The following NMUR2 variants were observed in gnomAD, a reference collection of about 807,000 sequenced individuals.
The protein encoded by NMUR2 is neuromedin-U receptor 2.
Under a neutral mutation model 25.1 loss-of-function variants are expected in NMUR2, and 24 were observed. The ratio of observed to expected loss-of-function variants is 0.96; its 90% CI spans 0.69 to 1.34. The LOEUF (loss-of-function observed/expected upper bound fraction) is 1.34. NMUR2 is among the 40% of genes most tolerant of loss of function. NMUR2 has a pLI of 0.00. For synonymous variants in NMUR2, 218 were observed against 208.1 expected (o/e 1.05, Z -0.41); for missense variants, 533 against 512.8 (o/e 1.04, Z -0.38).
chr5:152,401,252 G>C (rs1172218877), intron 1 of NMUR2, among the ~76,000 whole-genome samples: 2 of 152,100 alleles, frequency 1.3e-5, no homozygotes, highest in Non-Finnish European at 2.9e-5. Flanking sequence ...GCAAATTTGT[G>C]ATTACTATTA....
chr5:152,397,537 G>A (rs924410238), intron 2 of NMUR2, among the ~76,000 whole-genome samples: 3 of 151,872 alleles, frequency 2.0e-5, no homozygotes, highest in African/African-American at 7.3e-5. Context: ...AGTATCAGGG[G>A]TTGGTTCGTG....
chr5:152,403,228 C>T (rs924335488), intron 1 of NMUR2, among the ~76,000 whole-genome samples: 2 of 152,026 alleles, frequency 1.3e-5, no homozygotes, highest in East Asian at 1.9e-4. Context: ...ATTTTATACA[C>T]GGGAAAACTA....
rs189173488 is a variant in NMUR2, at chr5:152,396,718, C to T, written c.812-1134G>A. Among the ~76,000 whole-genome samples the T allele has an allele frequency of 2.4e-4, 37 of 152,128 alleles. No individual in the cohort carries two copies. The East Asian group carries it at 6.8e-3, about 28-fold the overall frequency. ...AGTTCAAGAACAGCCTGGACAAAAG[C>T]CCGTCTTTACTAAAAATACAAAAAT... On this transcript the variant is annotated intron_variant, in intron 2 of 3. Coordinates refer to ENST00000255262, the MANE Select transcript of NMUR2 (RefSeq NM_020167.5).
At chr5:152,402,262 C>T (rs1753269449) in intron 1 of NMUR2, among the ~76,000 whole-genome samples, 1 of 152,008 alleles carries the variant, frequency 6.6e-6, no homozygotes, top group African/African-American at 2.4e-5. Context: ...GGAGTGGTGG[C>T]AGACAGTAGG....
intron 2 of NMUR2, among the ~76,000 whole-genome samples, chr5:152,397,410 T>C (rs1016617174): frequency 1.3e-5 from 2 of 152,152 alleles, no homozygotes; most frequent in Non-Finnish European, 2.9e-5. Flanking sequence ...AAGATCTTAT[T>C]TATTCAAAAG....
chr5:152,396,556 C>A lies in NMUR2; in HGVS notation c.812-972G>T, dbSNP rs777929906. ...ATAGGTTTCTACTGAATTTGCCAAC[C>A]CAAGAAAAGTCCCTAATCTGTTCAC... On this transcript the variant is annotated intron_variant, in intron 2 of 3. Coordinates refer to ENST00000255262, the MANE Select transcript of NMUR2 (RefSeq NM_020167.5). Among the ~76,000 whole-genome samples, 55 of 151,928 alleles carry A rather than the reference C, an allele frequency of 3.6e-4. 2 individuals carry two copies. The highest frequency in any genetic ancestry group is 1.5e-4 in the Non-Finnish European group (10 of 67,992).
At chr5:152,399,287 TC>T (rs1158354057) in intron 1 of NMUR2, among the ~76,000 whole-genome samples, 1 of 152,130 alleles carries the variant, frequency 6.6e-6, no homozygotes, top group East Asian at 1.9e-4. Flanking sequence ...ACCCTAATTT[TC>T]CCTTAGGGAA....
Position 152,392,213 on chromosome 5 carries a change from C to T in NMUR2, c.1226G>A (p.Ser409Asn), listed in dbSNP as rs544922543. The T allele has an allele frequency of 2.5e-6, 4 of 1,612,182 alleles. No homozygotes were observed. The highest frequency in any genetic ancestry group is 2.5e-6 in the Non-Finnish European group (3 of 1,178,670). Residue 409 changes from serine to asparagine, a missense_variant, in exon 4 of 4, where the codon AGC (serine) becomes AAC (asparagine). Transcript: ENST00000255262. ...SEQMSRTNYQ[S>N]FHFNKT ...AATTCAGGTTTTGTTAAAGTGGAAG[C>T]TTTGATAGTTTGTTCTTGACATCTG...
At chr5:152,401,584 T>C (rs560209682) in intron 1 of NMUR2, among the ~76,000 whole-genome samples, 176 of 152,372 alleles carry the variant, frequency 1.2e-3, no homozygotes, top group Admixed American at 1.9e-3. Context: ...GGTTGAATTC[T>C]GCTGCAATTC....
chr5:152,394,662 G>C (rs191143141), intron 3 of NMUR2, among the ~76,000 whole-genome samples: 2 of 152,016 alleles, frequency 1.3e-5, no homozygotes, highest in South Asian at 2.1e-4. Flanking sequence ...AGTGCCTTAG[G>C]GCAAATCATT....
intron 3 of NMUR2, among the ~76,000 whole-genome samples, chr5:152,393,634 G>C (rs1292080919): frequency 6.6e-6 from 1 of 152,138 alleles, no homozygotes; most frequent in Non-Finnish European, 1.5e-5. Context: ...TTATGGCTAA[G>C]TTAAATAATT....
At chr5:152,399,632 G>T (rs1753220767) in intron 1 of NMUR2, among the ~76,000 whole-genome samples, 1 of 151,946 alleles carries the variant, frequency 6.6e-6, no homozygotes. Flanking sequence ...CAACACCATA[G>T]AAAAAAAGAG....
At position 152,398,040 on chromosome 5, in the gene NMUR2, A is replaced by T; in HGVS notation, c.811+20T>A. 6.3e-7 allele frequency: 1 copy of T among 1,596,438 alleles called. No homozygotes were observed. Among genetic ancestry groups the T allele is most frequent in the Non-Finnish European group, 8.6e-7 (1 of 1,165,532 alleles). ...GCTCTTATGAACAAAACAAAACAAA[A>T]AACAAAATGGGGCACTTACACAGCA... On this transcript the variant is annotated intron_variant, in intron 2 of 3. Transcript: ENST00000255262.
At chr5:152,397,012 G>GCTTTTT in intron 2 of NMUR2, among the ~76,000 whole-genome samples, 1 of 105,730 alleles carries the variant, frequency 9.5e-6, no homozygotes, top group African/African-American at 3.1e-5. Flanking sequence ...TGAGCTTCAT[G>GCTTTTT]TTTTTTTTTT....
chr5:152,398,344 T>C (rs763259667), intron 1 of NMUR2, among the ~76,000 whole-genome samples, 200 bp from the exon 2 acceptor site: 1 of 152,182 alleles, frequency 6.6e-6, no homozygotes, highest in African/African-American at 2.4e-5. Context: ...GGATAAGTGA[T>C]TGTGGCCAAG....
Position 152,405,072 on chromosome 5 carries a change from G to C in NMUR2, c.42C>G (p.Tyr14Ter). ...MEKLQNASWI[Y>*]QQKLEDPFQK... ...GGAATGGATCTTCTAGTTTCTGCTG[G>C]TAGATCCAGGAAGCATTCTGAAGTT... The change falls in exon 1 of 4, where the codon TAC becomes TAG. Residue 14 changes from tyrosine (Y) to a stop codon, truncating the protein, a stop_gained. Transcript: ENST00000255262. LOFTEE classifies it high-confidence loss of function. The C allele has an allele frequency of 6.2e-7, 1 of 1,613,298 alleles. No individual in the cohort carries two copies.
chr5:152,392,626 C>G (rs566605679), intron 3 of NMUR2, 125 bp from the exon 4 acceptor site: 1 of 694,816 alleles, frequency 1.4e-6, no homozygotes, highest in South Asian at 1.9e-5. Flanking sequence ...AGTGATAATA[C>G]ATACAAGCAT....
At position 152,392,065 on chromosome 5, in the gene NMUR2, AC is replaced by A; in HGVS notation, c.*125del. ...TTTCACGTTTATTAAAAAAAAAAAA[AC>A]TAGCAATGGGTACATGAGTTGTAAG... On this transcript the variant is annotated 3_prime_UTR_variant, in exon 4 of 4. Coordinates refer to ENST00000255262, the MANE Select transcript of NMUR2 (RefSeq NM_020167.5). 6.3e-6 allele frequency: 5 copies of A among 787,924 alleles called. No individual in the cohort carries two copies. Among genetic ancestry groups the A allele is most frequent in the Non-Finnish European group, 9.9e-6 (5 of 504,224 alleles). The allele number at this position is 787,924 out of a possible 1,614,324, so 48.8% of individuals were successfully genotyped here.
intron 1 of NMUR2, among the ~76,000 whole-genome samples, chr5:152,403,819 C>T (rs1405816786): frequency 6.6e-6 from 1 of 151,478 alleles, no homozygotes. Context: ...ATGAAAGGGT[C>T]GGAGCAACCA....
Sources: gnomAD v4.1 joint callset for allele counts (sites outside exome capture counted in the v4.1 genomes callset) on GRCh38, gnomAD v4.1.1 for gene constraint, MANE v1.5 for transcripts, NCBI Gene and HGNC (gene_info 2026-07-23, HGNC 2026-07-21) for gene names.